METTL15: variants seen among roughly 807,000 people sequenced by gnomAD.
METTL15 encodes 12S rRNA N(4)-cytidine methyltransferase METTL15.
Under a neutral mutation model 38.3 loss-of-function variants are expected in METTL15, and 34 were observed. The observed-to-expected ratio is 0.89, with a 90% confidence interval of 0.68 to 1.18. METTL15 has a LOEUF of 1.18. METTL15 is among the 50% of genes most tolerant of loss of function. METTL15 has a pLI of 0.00. For synonymous variants in METTL15, 162 were observed against 170.9 expected (o/e 0.95, Z 0.41); for missense variants, 438 against 498.4 (o/e 0.88, Z 1.15).
intron 3 of METTL15, chr11:28,163,281 G>C: frequency 2.5e-6 from 1 of 396,752 alleles, no homozygotes; most frequent in Non-Finnish European, 4.4e-6. Flanking sequence ...AATGCTTGAA[G>C]AAAAAAAAGT....
At chr11:28,124,568 T>C (rs571836712) in intron 3 of METTL15, among the ~76,000 whole-genome samples, 45 of 152,200 alleles carry the variant, frequency 3.0e-4, no homozygotes, top group African/African-American at 1.0e-3. Context: ...ATTAAGTGAC[T>C]GAGGCTTAGA....
intron 6 of METTL15, among the ~76,000 whole-genome samples, chr11:28,326,144 A>G (rs998271397): frequency 2.0e-5 from 3 of 152,240 alleles, no homozygotes; most frequent in East Asian, 1.9e-4. Flanking sequence ...TGATAACAGT[A>G]TATGGGAGAT....
chr11:28,462,476 G>A (rs985685225), intron 6 of METTL15, among the ~76,000 whole-genome samples: 5 of 111,240 alleles, frequency 4.5e-5, no homozygotes, highest in South Asian at 3.4e-4. Flanking sequence ...AAGCATACAC[G>A]CTTACACACA....
chr11:28,255,289 C>T (rs533018744), intron 4 of METTL15, among the ~76,000 whole-genome samples: 2 of 152,196 alleles, frequency 1.3e-5, no homozygotes, highest in East Asian at 3.9e-4. Flanking sequence ...TATAGAAATG[C>T]TACTGATTTT....
intron 4 of METTL15, among the ~76,000 whole-genome samples, chr11:28,244,263 T>C (rs1445791779): frequency 2.0e-5 from 3 of 152,156 alleles, no homozygotes; most frequent in African/African-American, 7.2e-5. Context: ...TATGCAAGAG[T>C]ATCCATTTAA....
At chr11:28,386,266 A>C (rs747034044) in intron 5 of METTL15, among the ~76,000 whole-genome samples, 19 of 152,002 alleles carry the variant, frequency 1.2e-4, no homozygotes, top group Non-Finnish European at 1.2e-4. Context: ...ATCAGTAATT[A>C]CTTTAAATGT....
intron 3 of METTL15, among the ~76,000 whole-genome samples, chr11:28,186,788 G>A (rs34626519): frequency 6.6e-6 from 1 of 150,932 alleles, no homozygotes; most frequent in Non-Finnish European, 1.5e-5. Context: ...AAAAGAGGAT[G>A]CTGTGATTAA....
At chr11:28,305,776 A>G (rs572982403) in intron 6 of METTL15, among the ~76,000 whole-genome samples, 2 of 152,204 alleles carry the variant, frequency 1.3e-5, no homozygotes, top group East Asian at 3.9e-4. Context: ...TTGTATAGTG[A>G]GAGGTTAGAC....
intron 6 of METTL15, among the ~76,000 whole-genome samples, chr11:28,310,902 CTGCTGCTGCTGCTGGTGGTGG>C (rs1300163841): frequency 4.4e-5 from 4 of 91,086 alleles, no homozygotes; most frequent in Admixed American, 1.1e-4. Context: ...GCTGCTGCTG[CTGCTGCTGCTGCTGGTGGTGG>C]TGGTGGTGGT....
At chr11:28,523,954 A>C (rs1851787959) in intron 6 of METTL15, among the ~76,000 whole-genome samples, 1 of 152,202 alleles carries the variant, frequency 6.6e-6, no homozygotes, top group Non-Finnish European at 1.5e-5. Flanking sequence ...GGTAGAGGCC[A>C]AGGATGCTGA....
chr11:28,450,558 A>G (rs1442030495), intron 6 of METTL15, among the ~76,000 whole-genome samples: 1 of 152,206 alleles, frequency 6.6e-6, no homozygotes, highest in Non-Finnish European at 1.5e-5. Context: ...GTAGCAGAAG[A>G]GCTGAGTTAA....
chr11:28,370,399 T>C (rs1217927830), intron 5 of METTL15, among the ~76,000 whole-genome samples: 4 of 152,034 alleles, frequency 2.6e-5, no homozygotes, highest in African/African-American at 9.7e-5. Context: ...TTTTATTCTT[T>C]TTATGGCTGA....
chr11:28,123,321 T>C (rs1260353166), intron 3 of METTL15, among the ~76,000 whole-genome samples: 1 of 152,090 alleles, frequency 6.6e-6, no homozygotes, highest in Non-Finnish European at 1.5e-5. Flanking sequence ...GCATGTTGTT[T>C]TATGAAGAGT....
At chr11:28,502,464 C>T (rs1249451915) in intron 6 of METTL15, among the ~76,000 whole-genome samples, 4 of 152,150 alleles carry the variant, frequency 2.6e-5, no homozygotes, top group Non-Finnish European at 5.9e-5. Flanking sequence ...GCTTTTAGGT[C>T]CTAGTTTGCC....
intron 4 of METTL15, among the ~76,000 whole-genome samples, chr11:28,264,647 A>T (rs2133946023): frequency 6.6e-6 from 1 of 152,260 alleles, no homozygotes; most frequent in African/African-American, 2.4e-5. Flanking sequence ...CATGTAAAAC[A>T]TTATAGTGCC....
intron 5 of METTL15, among the ~76,000 whole-genome samples, chr11:28,294,617 ATT>A (rs1458606500): frequency 6.6e-6 from 1 of 152,172 alleles, no homozygotes; most frequent in East Asian, 1.9e-4. Flanking sequence ...TTGTGTCTGT[ATT>A]TTCTAAGTTT....
chr11:28,258,295 G>A (rs1363209886), intron 4 of METTL15, among the ~76,000 whole-genome samples: 1 of 152,102 alleles, frequency 6.6e-6, no homozygotes, highest in Non-Finnish European at 1.5e-5. Flanking sequence ...CATCACTGTT[G>A]CCACCACCAC....
chr11:28,329,613 C>T (rs1425808917), intron 6 of METTL15, among the ~76,000 whole-genome samples: 1 of 152,054 alleles, frequency 6.6e-6, no homozygotes, highest in African/African-American at 2.4e-5. Flanking sequence ...AGTAATTTCC[C>T]ATTTATATAG....
At chr11:28,126,338 C>G (rs1852484921) in intron 3 of METTL15, among the ~76,000 whole-genome samples, 2 of 151,908 alleles carry the variant, frequency 1.3e-5, no homozygotes, top group African/African-American at 4.8e-5. Flanking sequence ...TCTTTTTCTT[C>G]TTAACTGTCT....
Sources: gnomAD v4.1 joint callset for allele counts (sites outside exome capture counted in the v4.1 genomes callset) on GRCh38, gnomAD v4.1.1 for gene constraint, MANE v1.5 for transcripts, NCBI Gene and HGNC (gene_info 2026-07-23, HGNC 2026-07-21) for gene names.